Variants in FNTB observed in about 807,000 individuals in gnomAD.
The protein encoded by FNTB is farnesyltransferase, CAAX box, subunit beta.
In FNTB, 27 loss-of-function variants were observed where a neutral mutation model predicts 59.4. The ratio of observed to expected loss-of-function variants is 0.45; its 90% CI spans 0.34 to 0.63. The LOEUF is 0.63. FNTB is among the 20% of genes least tolerant of loss of function. The pLI is 0.02. For synonymous variants in FNTB, 230 were observed against 220.7 expected (o/e 1.04, Z -0.37); for missense variants, 449 against 559.6 (o/e 0.80, Z 1.99).
intron 1 of FNTB, among the ~76,000 whole-genome samples, chr14:64,992,762 A>AT (rs892352094): frequency 2.1e-4 from 32 of 149,650 alleles, no homozygotes; most frequent in East Asian, 3.9e-4. Flanking sequence ...TGAGCCTAGA[A>AT]TTTTTTTTTT....
At chr14:65,000,815 CAAAAAAAAAAAAAAA>C (rs59420832) in intron 1 of FNTB, among the ~76,000 whole-genome samples, 1 of 36,460 alleles carries the variant, frequency 2.7e-5, no homozygotes, top group Admixed American at 2.7e-4. Flanking sequence ...GACTCCGTCT[CAAAAAAAAAAAAAAA>C]AAAAAAAAAA....
rs2061653149 is a variant in FNTB at position 65,009,585 on chromosome 14, A to G, written c.210-2732A>G. On this transcript the variant is annotated intron_variant, in intron 2 of 11. Transcript: ENST00000246166. This position sits in a 1 kb window ranked among gnomAD's most constrained non-coding sequence, Gnocchi z 4.2. ...CAGCATCCTTCCTTATTCCAGGCTC[A>G]CCTCTCCTACTATACCCTCATCCCA... 6.6e-6 allele frequency among the ~76,000 whole-genome samples: 1 copy of G among 151,852 alleles called. No homozygotes were observed.
At chr14:64,995,381 T>C (rs1013895334) in intron 1 of FNTB, among the ~76,000 whole-genome samples, 4 of 152,212 alleles carry the variant, frequency 2.6e-5, no homozygotes, top group African/African-American at 4.8e-5. Context: ...TTATTATCAT[T>C]ATCAAGTGTT....
At chr14:64,987,169 C>T in intron 1 of FNTB, 72 bp downstream of exon 1, 3 of 1,573,204 alleles carry the variant, frequency 1.9e-6, no homozygotes, top group South Asian at 1.1e-5. Flanking sequence ...CGTAGGGCCG[C>T]CCGGGTGCGG....
intron 1 of FNTB, among the ~76,000 whole-genome samples, chr14:64,993,226 C>T (rs1888271441): frequency 6.6e-6 from 1 of 152,002 alleles, no homozygotes; most frequent in Non-Finnish European, 1.5e-5. Context: ...CCCACAAATT[C>T]GAGACAGCCT....
intron 2 of FNTB, among the ~76,000 whole-genome samples, chr14:65,008,516 T>A (rs2139496958): frequency 6.6e-6 from 1 of 152,346 alleles, no homozygotes; most frequent in East Asian, 1.9e-4. Flanking sequence ...ACCGATGGGA[T>A]AATTTGAGAG....
Position 65,027,515 on chromosome 14 carries a change from A to G in FNTB, c.437A>G (p.Gln146Arg). ...PEGGFGGGPG[Q>R]YPHLAPTYAA... ...GGTGGCTTTGGAGGAGGACCCGGTC[A>G]GTATCCACACCTTGCACCCACATAT... Residue 146 changes from glutamine to arginine, a missense_variant, in exon 5 of 12, where the codon CAG becomes CGG. By Grantham distance (43) the Gln-to-Arg change is conservative. Around this residue, in one of 2 missense-constraint regions of FNTB, gnomAD observed 337 missense variants for 479.1 expected, o/e 0.70. Transcript: ENST00000246166. This position sits in a 1 kb window ranked among gnomAD's most constrained non-coding sequence, Gnocchi z 5.7. 6.2e-7 allele frequency: 1 copy of G among 1,614,214 alleles called. No individual in the cohort carries two copies. Among genetic ancestry groups the G allele is most frequent in the Non-Finnish European group, 8.5e-7 (1 of 1,180,040 alleles).
rs768774237 is a variant in FNTB at position 65,053,322 on chromosome 14, CG to C, written c.1047del (p.Leu350PhefsTer18). The C allele has an allele frequency of 1.7e-5, 24 of 1,437,228 alleles. No individual in the cohort carries two copies. The highest frequency in any genetic ancestry group is 7.7e-5 in the Admixed American group (3 of 38,798). 89.0% of individuals were successfully genotyped at this position (1,437,228 alleles called of 1,614,324 possible). On this transcript the variant is annotated frameshift_variant, in exon 10 of 12. Coordinates refer to ENST00000246166, the MANE Select transcript of FNTB (RefSeq NM_002028.4). LOFTEE classifies it high-confidence loss of function. ...ATCCTGATGTGCTGCCAGTGCCCTG[CG>C]GGGGGGCTTCTGGATAAACCTGGCA... The part of the protein sequence containing the change: ...EYILMCCQCP[A>X]GGLLDKPGKS...
intron 1 of FNTB, among the ~76,000 whole-genome samples, chr14:65,000,842 G>GAAAC (rs1888572107): frequency 1.2e-5 from 1 of 82,232 alleles, no homozygotes; most frequent in Non-Finnish European, 2.6e-5. Context: ...AAAAAAAAAA[G>GAAAC]AATAGTTACC....
At chr14:65,010,265 T>C (rs541962711) in intron 2 of FNTB, among the ~76,000 whole-genome samples, 8 of 152,230 alleles carry the variant, frequency 5.3e-5, no homozygotes, top group Non-Finnish European at 1.2e-4. Context: ...CCCTTAGAGA[T>C]GGGTCTTCCC....
chr14:65,024,096 C>A (rs1353510721), intron 4 of FNTB, among the ~76,000 whole-genome samples: 2 of 147,946 alleles, frequency 1.4e-5, no homozygotes, highest in African/African-American at 4.9e-5. Context: ...AGGGACACTC[C>A]ATCTCCTAAA....
chr14:65,027,851 G>A lies in FNTB; in HGVS notation c.605+70G>A. The A allele has an allele frequency of 1.9e-6, 3 of 1,596,666 alleles. No homozygotes were observed. The Admixed American group carries it at 5.1e-5, about 27-fold the overall frequency. ...GCTCATCTGCCATTAGAGATGCCAA[G>A]CCTAAGGAACATCATGGGGAAGCTG... On this transcript the variant is annotated intron_variant, in intron 6 of 11. Coordinates refer to ENST00000246166, the MANE Select transcript of FNTB (RefSeq NM_002028.4). This position sits in a 1 kb window ranked among gnomAD's most constrained non-coding sequence, Gnocchi z 5.7.
In FNTB at chr14:65,062,484, G is replaced by C. The variant is rs1393864723; in HGVS notation, c.*1172G>C. 6.5e-6 allele frequency: 1 copy of C among 152,696 alleles called. No individual in the cohort carries two copies. Among genetic ancestry groups the C allele is most frequent in the Non-Finnish European group, 1.5e-5 (1 of 68,064 alleles). The allele number at this position is 152,696 out of a possible 1,614,324, so 9.5% of individuals were successfully genotyped here. On this transcript the variant is annotated 3_prime_UTR_variant, in exon 12 of 12. Coordinates refer to ENST00000246166, the MANE Select transcript of FNTB (RefSeq NM_002028.4). The surrounding 1 kb of genome is among the most constrained non-coding windows in gnomAD (Gnocchi z 4.3). ...TATCAAGTTGGGCCATCTGTCTACT[G>C]ACCTGGCCTTCATGTAAGCAGCTGT...
intron 1 of FNTB, among the ~76,000 whole-genome samples, chr14:64,989,542 A>AG (rs919964227): frequency 1.5e-5 from 2 of 130,886 alleles, no homozygotes; most frequent in African/African-American, 2.7e-5. Context: ...AAAAAAAAAA[A>AG]CAAACAAAAA....
At chr14:65,043,114 T>C (rs2062388269) in intron 8 of FNTB, among the ~76,000 whole-genome samples, 1 of 152,170 alleles carries the variant, frequency 6.6e-6, no homozygotes, top group Non-Finnish European at 1.5e-5. Context: ...CCCTCCCCTG[T>C]ACCCTTTCAG....
chr14:65,027,576 G>A lies in FNTB; in HGVS notation c.498G>A (p.Glu166=), dbSNP rs1443548995. ...ATGCATTGTGCATCATTGGCACCGA[G>A]GAGGCCTATGACATCATTAACAGGT... ...AVNALCIIGT[E]EAYDIINREK... Residue 166 remains glutamate, a synonymous_variant, in exon 5 of 12, where the codon GAG becomes GAA. Transcript: ENST00000246166. The surrounding 1 kb of genome is among the most constrained non-coding windows in gnomAD (Gnocchi z 5.7). The A allele has an allele frequency of 6.2e-7, 1 of 1,614,210 alleles. No homozygotes were observed. Among genetic ancestry groups the A allele is most frequent in the Non-Finnish European group, 8.5e-7 (1 of 1,180,028 alleles).
At position 65,031,979 on chromosome 14, in the gene FNTB, C is replaced by CGTGTGTGT. The variant is rs563468928; in HGVS notation, c.606-598_606-591dup. ...ATAGACGTGCGCCTTTTTCATTTAA[C>CGTGTGTGT]GTGTGTGTGTGTGTGTGTGTGTGTG... On this transcript the variant is annotated intron_variant, in intron 6 of 11. Coordinates refer to ENST00000246166, the MANE Select transcript of FNTB (RefSeq NM_002028.4). This position sits in a 1 kb window ranked among gnomAD's most constrained non-coding sequence, Gnocchi z 4.6. 4.7e-3 allele frequency among the ~76,000 whole-genome samples: 671 copies of CGTGTGTGT among 141,280 alleles called. 4 individuals are homozygous for CGTGTGTGT. The highest frequency in any genetic ancestry group is 0.037 in the East Asian group (175 of 4,668). The allele number at this position is 141,280 out of a possible 152,430, so 92.7% of individuals were successfully genotyped here.
At chr14:65,021,571 C>T (rs1394988405) in intron 4 of FNTB, among the ~76,000 whole-genome samples, 1 of 152,108 alleles carries the variant, frequency 6.6e-6, no homozygotes, top group Non-Finnish European at 1.5e-5. Context: ...TGCTAAATAT[C>T]CTCTACAGGA....
chr14:65,060,405 A>C (rs1286724202), intron 11 of FNTB, among the ~76,000 whole-genome samples: 1 of 148,608 alleles, frequency 6.7e-6, no homozygotes, highest in Non-Finnish European at 1.5e-5. Flanking sequence ...CCGGACCAAC[A>C]TGGTGAAACC....
Sources: gnomAD v4.1 joint callset for allele counts (sites outside exome capture counted in the v4.1 genomes callset) on GRCh38, gnomAD v4.1.1 for gene constraint, gnomAD v4.1.1 regional missense constraint, Gnocchi (gnomAD v3.1) non-coding constraint, MANE v1.5 for transcripts, NCBI Gene and HGNC (gene_info 2026-07-23, HGNC 2026-07-21) for gene names.